PACS2: variants seen among roughly 807,000 people sequenced by gnomAD.
PACS2 encodes phosphofurin acidic cluster sorting protein 2.
A neutral mutation model predicts 113.0 loss-of-function variants in PACS2; 36 were observed. The observed-to-expected ratio is 0.32, with a 90% CI of 0.24 to 0.42. The LOEUF (loss-of-function observed/expected upper bound fraction) is 0.42, where lower values mean the gene tolerates loss of function less well. Among genes scored for constraint, PACS2 ranks in the 10% least tolerant of loss-of-function variants. The pLI, the probability that PACS2 is intolerant of heterozygous loss-of-function variation, is 1.00. For synonymous variants in PACS2, 589 were observed against 536.1 expected, an observed-to-expected ratio of 1.10 and a Z score of -1.36; for missense variants, 1,015 against 1,239.5, an observed-to-expected ratio of 0.82 and a Z score of 2.72.
chr14:105,348,831 C>T lies in PACS2; in HGVS notation c.207+251C>T, dbSNP rs151218859. The T allele has an allele frequency of 2.0e-5, 9 of 458,080 alleles. No individual in the cohort carries two copies. In the East Asian group the frequency reaches 3.8e-4, roughly 20 times the overall value. 28.4% of individuals were successfully genotyped at this position (458,080 alleles called of 1,614,324 possible). A position where few individuals can be genotyped will look rare whatever the true frequency, so the allele number is the denominator to read the frequency against. On this transcript the variant is annotated intron_variant, in intron 2 of 24. Coordinates refer to ENST00000447393, the MANE Select transcript of PACS2 (RefSeq NM_001100913.3). This position sits in a 1 kb window ranked among gnomAD's most constrained non-coding sequence, Gnocchi z 6.4. ...TGCATGGGGCCTTCCCAGGGCAGAGCTGCCCTCGAGTCACCTCACAGTGAT... is the reference window on the plus strand; with the variant it reads ...TGCATGGGGCCTTCCCAGGGCAGAGTTGCCCTCGAGTCACCTCACAGTGAT...
chr14:105,332,965 C>T (rs141839631), intron 1 of PACS2, among the ~76,000 whole-genome samples: 3 of 152,296 alleles, frequency 2.0e-5, no homozygotes, highest in African/African-American at 7.2e-5. Context: ...CCAATCTGTG[C>T]TCTGCCCCCT....
chr14:105,392,146 C>T (rs1325905791), intron 22 of PACS2: 3 of 329,510 alleles, frequency 9.1e-6, no homozygotes, highest in East Asian at 7.2e-5. Flanking sequence ...CCCGCTAGCC[C>T]GCCCGGGTCT....
chr14:105,322,472 G>A (rs1040460192), intron 1 of PACS2, among the ~76,000 whole-genome samples: 1 of 151,578 alleles, frequency 6.6e-6, no homozygotes, highest in African/African-American at 2.4e-5. Flanking sequence ...CACCATGTTG[G>A]CCAGACTGGT....
chr14:105,312,845 T>G (rs1357024194), upstream of PACS2, among the ~76,000 whole-genome samples: 1 of 152,210 alleles, frequency 6.6e-6, no homozygotes, highest in Non-Finnish European at 1.5e-5. Context: ...GTGTTTCGTG[T>G]CCCTGCTTTC....
chr14:105,360,218 C>CA (rs1238153114), intron 4 of PACS2, among the ~76,000 whole-genome samples: 2 of 152,052 alleles, frequency 1.3e-5, no homozygotes, highest in Non-Finnish European at 2.9e-5. Flanking sequence ...AGCATTACGT[C>CA]AAAAAATATA....
In PACS2 at chr14:105,394,819, C is replaced by A; in HGVS notation, c.*147C>A. The A allele has an allele frequency of 1.5e-6, 1 of 648,594 alleles. No homozygotes were observed. Among genetic ancestry groups the A allele is most frequent in the South Asian group, 1.8e-5 (1 of 56,562 alleles). 40.2% of individuals were successfully genotyped at this position (648,594 alleles called of 1,614,324 possible). A position where few individuals can be genotyped will look rare whatever the true frequency, so the allele number is the denominator to read the frequency against. ...TATGAATGTGCTCACAACGTGGAAA[C>A]TAACGGGGGAGCTCCTGCCAGGAGC... On this transcript the variant is annotated 3_prime_UTR_variant, in exon 25 of 25. Coordinates refer to ENST00000447393, the MANE Select transcript of PACS2 (RefSeq NM_001100913.3).
chr14:105,381,350 A>T lies in PACS2; in HGVS notation c.1268+251A>T, dbSNP rs116969358. 4.2e-3 allele frequency among the ~76,000 whole-genome samples: 640 copies of T among 152,346 alleles called. 1 individual carries two copies. Among genetic ancestry groups the T allele is most frequent in the South Asian group, 7.0e-3 (34 of 4,828 alleles). ...GCAGGGTCAGGCGGGTCTGCCCTCCAGCAGGTGCCCCCACATCCCCCTGAG... is the reference window on the plus strand; with the variant it reads ...GCAGGGTCAGGCGGGTCTGCCCTCCTGCAGGTGCCCCCACATCCCCCTGAG... On this transcript the variant is annotated intron_variant, in intron 12 of 24. Coordinates refer to ENST00000447393, the MANE Select transcript of PACS2 (RefSeq NM_001100913.3).
chr14:105,379,976 G>T (rs587659464), intron 10 of PACS2, 104 bp from the exon 11 acceptor site: 40 of 1,319,904 alleles, frequency 3.0e-5, no homozygotes, highest in Admixed American at 2.2e-4. Flanking sequence ...ACACTGCCAC[G>T]CAGGTACCCC....
intron 2 of PACS2, among the ~76,000 whole-genome samples, chr14:105,351,421 C>G (rs1448770996): frequency 1.3e-5 from 2 of 152,194 alleles, no homozygotes; most frequent in Admixed American, 1.3e-4. Context: ...CATGCATTTC[C>G]TGCACCTACA....
rs587731061 is a variant in PACS2, at chr14:105,362,950, G to A, written c.424-4263G>A. On this transcript the variant is annotated intron_variant, in intron 4 of 24. Coordinates refer to ENST00000447393, the MANE Select transcript of PACS2 (RefSeq NM_001100913.3). ...CATGAAAACAACATTCGTCTCCTGC[G>A]AGTCTCCAGCAGAGCTCTTGGGTGA... 3.7e-4 allele frequency among the ~76,000 whole-genome samples: 56 copies of A among 152,190 alleles called. 1 individual carries two copies. The highest frequency in any genetic ancestry group is 2.7e-3 in the South Asian group (13 of 4,786).
Position 105,356,888 on chromosome 14 carries a change from G to T in PACS2, c.423+1711G>T, listed in dbSNP as rs587707960. 1.4e-3 allele frequency among the ~76,000 whole-genome samples: 198 copies of T among 141,444 alleles called. 6 individuals are homozygous for T. The highest frequency in any genetic ancestry group is 5.7e-3 in the African/African-American group (184 of 32,494). 92.8% of individuals were successfully genotyped at this position (141,444 alleles called of 152,430 possible). On this transcript the variant is annotated intron_variant, in intron 4 of 24. Coordinates refer to ENST00000447393, the MANE Select transcript of PACS2 (RefSeq NM_001100913.3). This position sits in a 1 kb window ranked among gnomAD's most constrained non-coding sequence, Gnocchi z 4.0. ...TTAGCCATTCAGGCGATGTCCTGCT[G>T]ATCCCTGCTGGTCCCTGTGTTTCCC...
At chr14:105,383,248 T>A (rs1555412599) in intron 15 of PACS2, 111 bp from the exon 16 acceptor site, 1 of 1,258,714 alleles carries the variant, frequency 7.9e-7, no homozygotes, top group South Asian at 1.2e-5. Flanking sequence ...AGTTGTGGCA[T>A]GAGCGGCCAC....
chr14:105,343,966 C>G (rs888888970), intron 1 of PACS2, among the ~76,000 whole-genome samples: 1 of 149,548 alleles, frequency 6.7e-6, no homozygotes, highest in Admixed American at 6.7e-5. Context: ...TGGCTCATGC[C>G]TATAATCCCA....
In PACS2 at chr14:105,355,268, T is replaced by G; in HGVS notation, c.423+91T>G. 5.8e-6 allele frequency: 8 copies of G among 1,379,124 alleles called. No individual in the cohort carries two copies. The highest frequency in any genetic ancestry group is 5.9e-6 in the Non-Finnish European group (6 of 1,014,290). The allele number at this position is 1,379,124 out of a possible 1,614,324, so 85.4% of individuals were successfully genotyped here. On this transcript the variant is annotated intron_variant, in intron 4 of 24. Coordinates refer to ENST00000447393, the MANE Select transcript of PACS2 (RefSeq NM_001100913.3). This position sits in a 1 kb window ranked among gnomAD's most constrained non-coding sequence, Gnocchi z 4.1. ...GGGAGATGGAGATGTCTCTCCCGGG[T>G]CCAGATGTCCAGGGATCAGGTGAAA...
rs1035516112 is a variant in PACS2, at chr14:105,324,787, C to G, written c.119+9750C>G. ...GGGAGCACTGGCTACTGCTGGGCTG[C>G]TCTCAGGCCCGGGACATTCATGGCC... On this transcript the variant is annotated intron_variant, in intron 1 of 24. Transcript: ENST00000447393. This position sits in a 1 kb window ranked among gnomAD's most constrained non-coding sequence, Gnocchi z 4.7. Among the ~76,000 whole-genome samples the G allele has an allele frequency of 6.6e-6, 1 of 152,152 alleles. No homozygotes were observed. The highest frequency in any genetic ancestry group is 1.5e-5 in the Non-Finnish European group (1 of 67,998).
chr14:105,376,999 G>C lies in PACS2; in HGVS notation c.959+74G>C. On this transcript the variant is annotated intron_variant, in intron 9 of 24. Transcript: ENST00000447393. This position sits in a 1 kb window ranked among gnomAD's most constrained non-coding sequence, Gnocchi z 4.7. ...CGGCCACTCTGCGACCACTCTGGCAGACCCATGTCCAGCCCTGGAGACGGG... is the reference window on the plus strand; with the variant it reads ...CGGCCACTCTGCGACCACTCTGGCACACCCATGTCCAGCCCTGGAGACGGG... 3 of 1,463,048 alleles carry C rather than the reference G, an allele frequency of 2.1e-6. No homozygotes were observed. Among genetic ancestry groups the C allele is most frequent in the Non-Finnish European group, 2.8e-6 (3 of 1,083,940 alleles). 90.6% of individuals were successfully genotyped at this position (1,463,048 alleles called of 1,614,324 possible). A position where few individuals can be genotyped will look rare whatever the true frequency, so the allele number is the denominator to read the frequency against.
In PACS2 at chr14:105,376,627, A is replaced by G. The variant is rs2080788423; in HGVS notation, c.802-141A>G. On this transcript the variant is annotated intron_variant, in intron 8 of 24. Coordinates refer to ENST00000447393, the MANE Select transcript of PACS2 (RefSeq NM_001100913.3). The surrounding 1 kb of genome is among the most constrained non-coding windows in gnomAD (Gnocchi z 4.7). ...TCCCGAGCTCCAAGACAGAAGCTGG[A>G]CTACAGCCGTGCTGAGTGGAGGGGT... The G allele has an allele frequency of 5.8e-6, 4 of 687,480 alleles. No individual in the cohort carries two copies. The Admixed American group carries it at 1.2e-4, about 20-fold the overall frequency. The allele number at this position is 687,480 out of a possible 1,614,324, so 42.6% of individuals were successfully genotyped here. A position where few individuals can be genotyped will look rare whatever the true frequency, so the allele number is the denominator to read the frequency against.
intron 1 of PACS2, among the ~76,000 whole-genome samples, chr14:105,325,911 A>G (rs889151551): frequency 1.3e-5 from 2 of 152,218 alleles, no homozygotes; most frequent in Non-Finnish European, 2.9e-5. Flanking sequence ...TTACTCTCCA[A>G]CCTTCTGGGA....
Position 105,348,378 on chromosome 14 carries a change from C to T in PACS2, c.120-115C>T, listed in dbSNP as rs145212641. On this transcript the variant is annotated intron_variant, in intron 1 of 24. Coordinates refer to ENST00000447393, the MANE Select transcript of PACS2 (RefSeq NM_001100913.3). This position sits in a 1 kb window ranked among gnomAD's most constrained non-coding sequence, Gnocchi z 6.4. ...CCTGGGGCCGCCCAGGCAGTCACAC[C>T]CCGCCCTGCACCCCAGGGTGCAGGC... 1.1e-3 allele frequency: 824 copies of T among 726,260 alleles called. 8 individuals are homozygous for T. The African/African-American group carries it at 0.014, about 12-fold the overall frequency. The allele number at this position is 726,260 out of a possible 1,614,324, so 45.0% of individuals were successfully genotyped here. A position where few individuals can be genotyped will look rare whatever the true frequency, so the allele number is the denominator to read the frequency against.
Sources: gnomAD v4.1 joint callset for allele counts (sites outside exome capture counted in the v4.1 genomes callset) on GRCh38, gnomAD v4.1.1 for gene constraint, Gnocchi (gnomAD v3.1) non-coding constraint, MANE v1.5 for transcripts, NCBI Gene and HGNC (gene_info 2026-07-23, HGNC 2026-07-21) for gene names.